REXO1: variants seen among roughly 807,000 people sequenced by gnomAD.
REXO1 encodes the protein REX1, RNA exonuclease 1 homolog.
A neutral mutation model predicts 102.6 loss-of-function variants in REXO1; 42 were observed. That is an observed-to-expected ratio of 0.41 (90% CI 0.32 to 0.53). The LOEUF is 0.53. Ranked by LOEUF, REXO1 falls within the 20% of genes least tolerant of loss-of-function variation. The pLI is 0.27. For missense variants in REXO1, 1,819 were observed against 1,732.5 expected, an observed-to-expected ratio of 1.05 and a Z score of -0.89; for synonymous variants, 908 against 779.1, an observed-to-expected ratio of 1.17 and a Z score of -2.76.
rs147787015 is a variant in REXO1, at chr19:1,819,102, C to T, written c.2680G>A (p.Glu894Lys). 525 of 1,594,454 alleles carry T rather than the reference C, an allele frequency of 3.3e-4. 4 individuals are homozygous for T. Among genetic ancestry groups the T allele is most frequent in the Middle Eastern group, 3.2e-3 (19 of 5,968 alleles). ...KTSGRRVVSH[E>K]VVLGGRLAAK... The stretch of plus-strand genomic sequence containing the variant: ...GCCAACCTGCCCCCCAACACCACCT[C>T]GTGGGACACAACCCTGCGGCCACTG... Residue 894 changes from glutamate to lysine, a missense_variant, in exon 8 of 16, where the codon GAG (glutamate) becomes AAG (lysine). Transcript: ENST00000170168.
chr19:1,833,447 T>C (rs949408111), intron 1 of REXO1, among the ~76,000 whole-genome samples: 2 of 152,178 alleles, frequency 1.3e-5, no homozygotes, highest in South Asian at 4.1e-4. Context: ...GAGGGGCCCA[T>C]TCTGGCACCA....
chr19:1,848,257 G>C lies in REXO1; in HGVS notation c.102C>G (p.Arg34=), dbSNP rs2145352106. The C allele has an allele frequency of 1.6e-6, 2 of 1,230,792 alleles. No homozygotes were observed. The highest frequency in any genetic ancestry group is 2.0e-6 in the Non-Finnish European group (2 of 982,600). 76.2% of individuals were successfully genotyped at this position (1,230,792 alleles called of 1,614,324 possible). The change falls in exon 1 of 16, where the codon CGC becomes CGG. Residue 34 remains arginine (R), a synonymous_variant. Transcript: ENST00000170168. ...CGGGCGCGCCGGAGCCCCGGGCCCC[G>C]CGGTGCCGGAAGTGGCAGTAGGGCC... The part of the protein sequence containing the change: ...CRRPYCHFRH[R]GARGSGAPGD...
At position 1,848,264 on chromosome 19, in the gene REXO1, C is replaced by T; in HGVS notation, c.95G>A (p.Arg32Gln). 1 of 1,231,680 alleles carries T rather than the reference C, an allele frequency of 8.1e-7. No individual in the cohort carries two copies. The highest frequency in any genetic ancestry group is 1.0e-6 in the Non-Finnish European group (1 of 982,822). 76.3% of individuals were successfully genotyped at this position (1,231,680 alleles called of 1,614,324 possible). A position where few individuals can be genotyped will look rare whatever the true frequency, so the allele number is the denominator to read the frequency against. Residue 32 changes from arginine to glutamine, a missense_variant, in exon 1 of 16, where the codon CGG (arginine) becomes CAG (glutamine). Arg to Gln is a conservative substitution (Grantham distance 43). Transcript: ENST00000170168. ...GCCGGAGCCCCGGGCCCCGCGGTGC[C>T]GGAAGTGGCAGTAGGGCCGCCGGCA... ...GPCRRPYCHF[R>Q]HRGARGSGAP... is the part of the protein sequence containing the mutation.
At position 1,821,664 on chromosome 19, in the gene REXO1, C is replaced by T; in HGVS notation, c.2249G>A (p.Arg750Lys). The T allele has an allele frequency of 1.2e-6, 2 of 1,612,626 alleles. No individual in the cohort carries two copies. Among genetic ancestry groups the T allele is most frequent in the Non-Finnish European group, 1.7e-6 (2 of 1,179,658 alleles). The change falls in exon 5 of 16, where the codon AGG (arginine) becomes AAG (lysine). Residue 750 changes from arginine to lysine, a missense_variant. Transcript: ENST00000170168. Reference sequence around the variant, plus strand: ...CTGGCTGCCGCTGGCCGCAAGGGTCCTCTTGGCACCTGTGGGGGCTGGCGG... The same window carrying T: ...CTGGCTGCCGCTGGCCGCAAGGGTCTTCTTGGCACCTGTGGGGGCTGGCGG... ...RLAAAPTGAKRTLAASGSQSS... is the reference protein window; with the variant it reads ...RLAAAPTGAKKTLAASGSQSS...
chr19:1,822,269 G>C (rs772571500), intron 4 of REXO1: 2 of 187,714 alleles, frequency 1.1e-5, no homozygotes, highest in East Asian at 2.8e-4. Context: ...CCTAGTCTCA[G>C]AGCAACATCC....
In REXO1 at chr19:1,825,919, C is replaced by G; in HGVS notation, c.1936G>C (p.Glu646Gln). Residue 646 changes from glutamate (E) to glutamine (Q), a missense_variant, in exon 3 of 16, where the codon GAG (glutamate) becomes CAG (glutamine). Glu to Gln is a conservative substitution (Grantham distance 29). Transcript: ENST00000170168. ...GTGGTCAGACCCGAAAGCCCCTTCT[C>G]CTCACTCTTCTCTTCCTTGGGGGGC... ...RQPPKEEKSE[E>Q]KGLSGLTTLF... 2 of 1,602,158 alleles carry G rather than the reference C, an allele frequency of 1.2e-6. No homozygotes were observed. The highest frequency in any genetic ancestry group is 2.8e-5 in the African/African-American group (2 of 71,140).
Position 1,820,291 on chromosome 19 carries a change from A to G in REXO1, c.2499T>C (p.Cys833=), listed in dbSNP as rs1163953120. Residue 833 remains cysteine, a synonymous_variant, in exon 6 of 16, where the codon TGT becomes TGC. Coordinates refer to ENST00000170168, the MANE Select transcript of REXO1 (RefSeq NM_020695.4). ...NLFIEECLKF[C]TSNQEAIEKA... Reference sequence around the variant, plus strand: ...TCTCTATGGCCTCCTGGTTGGAGGTACAGAACTTGAGACACTCCTCGATGA... The same window carrying G: ...TCTCTATGGCCTCCTGGTTGGAGGTGCAGAACTTGAGACACTCCTCGATGA... 6.2e-7 allele frequency: 1 copy of G among 1,613,768 alleles called. No homozygotes were observed. The highest frequency in any genetic ancestry group is 8.5e-7 in the Non-Finnish European group (1 of 1,179,914).
At chr19:1,816,849 G>C (rs1181638911) in intron 12 of REXO1, 36 bp from the exon 13 acceptor site, 1 of 1,507,092 alleles carries the variant, frequency 6.6e-7, no homozygotes, top group Non-Finnish European at 9.2e-7. Context: ...TGTGTCCCAG[G>C]CACCGGCCTC....
chr19:1,828,953 G>A (rs1412157572), intron 1 of REXO1, among the ~76,000 whole-genome samples: 2 of 151,768 alleles, frequency 1.3e-5, no homozygotes, highest in African/African-American at 2.4e-5. Context: ...GTGGACACTC[G>A]ACAGGCTGGA....
At position 1,828,949 on chromosome 19, in the gene REXO1, AC is replaced by A. The variant is rs201420781; in HGVS notation, c.158-319del. Among the ~76,000 whole-genome samples, 240 of 152,178 alleles carry A rather than the reference AC, an allele frequency of 1.6e-3. 8 individuals carry two copies. In the East Asian group the frequency reaches 0.042, roughly 27 times the overall value. ...GCACAATGACCATGGTGGGGTGGAC[AC>A]TCGACAGGCTGGAACTCCCCGGGGC... is the stretch of plus-strand genomic sequence containing the variant. On this transcript the variant is annotated intron_variant, in intron 1 of 15. Coordinates refer to ENST00000170168, the MANE Select transcript of REXO1 (RefSeq NM_020695.4).
At chr19:1,847,873 C>A (rs1430806946) in intron 1 of REXO1, among the ~76,000 whole-genome samples, 3 of 152,202 alleles carry the variant, frequency 2.0e-5, no homozygotes, top group Non-Finnish European at 4.4e-5. Context: ...ACCTGCCTAG[C>A]GCCGGCCGCG....
chr19:1,815,893 G>A lies in REXO1; in HGVS notation c.*173C>T, dbSNP rs562307085. The A allele has an allele frequency of 5.2e-5, 80 of 1,528,608 alleles. No individual in the cohort carries two copies. The South Asian group carries it at 5.5e-4, about 11-fold the overall frequency. The allele number at this position is 1,528,608 out of a possible 1,614,324, so 94.7% of individuals were successfully genotyped here. Reference sequence around the variant, plus strand: ...GACCGGCGGAGGGGTGCGGCAGGACGTGAGCGGGGGTGGGCTGGGCTGGGC... The same window carrying A: ...GACCGGCGGAGGGGTGCGGCAGGACATGAGCGGGGGTGGGCTGGGCTGGGC... On this transcript the variant is annotated 3_prime_UTR_variant, in exon 16 of 16. Coordinates refer to ENST00000170168, the MANE Select transcript of REXO1 (RefSeq NM_020695.4). The surrounding 1 kb of genome is among the most constrained non-coding windows in gnomAD (Gnocchi z 4.0).
intron 3 of REXO1, 86 bp downstream of exon 3, chr19:1,825,753 G>A (rs1439358818): frequency 7.6e-6 from 7 of 926,694 alleles, no homozygotes; most frequent in South Asian, 7.3e-5. Context: ...TGGGATTACA[G>A]GCGTGAGCCA....
At chr19:1,822,046 G>A in intron 4 of REXO1, 1 of 503,604 alleles carries the variant, frequency 2.0e-6, no homozygotes, top group Non-Finnish European at 3.4e-6. Context: ...CTGCTCATTG[G>A]CTTTGCCCTG....
Position 1,818,649 on chromosome 19 carries a change from C to T in REXO1, c.2903-54G>A, listed in dbSNP as rs562522228. The T allele has an allele frequency of 1.3e-5, 21 of 1,607,584 alleles. No homozygotes were observed. The East Asian group carries it at 2.7e-4, about 21-fold the overall frequency. ...AGGCTCACGCTGGGGCCCGCATGCCCGGCCTTGCCCACATCCCGCACCTGC... is the reference window on the plus strand; with the variant it reads ...AGGCTCACGCTGGGGCCCGCATGCCTGGCCTTGCCCACATCCCGCACCTGC... On this transcript the variant is annotated intron_variant, in intron 9 of 15. Coordinates refer to ENST00000170168, the MANE Select transcript of REXO1 (RefSeq NM_020695.4).
At position 1,826,110 on chromosome 19, in the gene REXO1, C is replaced by CG. The variant is rs1365251467; in HGVS notation, c.1912-168dup. Among the ~76,000 whole-genome samples the CG allele has an allele frequency of 6.6e-5, 10 of 152,098 alleles. No homozygotes were observed. The highest frequency in any genetic ancestry group is 1.9e-4 in the African/African-American group (8 of 41,398). ...TCCCTGGGCTTTGTGTGGGTGCAGTCGGAGGGGTGGGCAGGTGTCACACGT... is the reference window on the plus strand; with the variant it reads ...TCCCTGGGCTTTGTGTGGGTGCAGTCGGGAGGGGTGGGCAGGTGTCACACGT... On this transcript the variant is annotated intron_variant, in intron 2 of 15. Transcript: ENST00000170168. The surrounding 1 kb of genome is among the most constrained non-coding windows in gnomAD (Gnocchi z 4.3).
intron 1 of REXO1, among the ~76,000 whole-genome samples, chr19:1,841,913 C>T (rs116944638): frequency 1.3e-5 from 2 of 152,218 alleles, no homozygotes; most frequent in East Asian, 1.9e-4. Context: ...CCATCCCTCT[C>T]GAAAACACAA....
intron 4 of REXO1, 146 bp from the exon 5 acceptor site, chr19:1,821,828 G>C (rs2069552760): frequency 5.7e-6 from 4 of 700,824 alleles, no homozygotes; most frequent in Non-Finnish European, 9.3e-6. Context: ...GGCTGGGGCT[G>C]CGCAATGGCA....
intron 1 of REXO1, among the ~76,000 whole-genome samples, chr19:1,833,666 A>G (rs982731468): frequency 4.6e-5 from 7 of 152,126 alleles, no homozygotes; most frequent in Admixed American, 2.0e-4. Context: ...CTCCCGGCCC[A>G]CTTCACTGGG....
Sources: gnomAD v4.1 joint callset for allele counts (sites outside exome capture counted in the v4.1 genomes callset) on GRCh38, gnomAD v4.1.1 for gene constraint, Gnocchi (gnomAD v3.1) non-coding constraint, MANE v1.5 for transcripts, NCBI Gene and HGNC (gene_info 2026-07-23, HGNC 2026-07-21) for gene names.